Variants in KHDRBS2 observed in about 807,000 individuals in gnomAD.
KHDRBS2 encodes KH RNA binding domain containing, signal transduction associated 2, also known as KH domain-containing, RNA-binding, signal transduction-associated protein 2.
In KHDRBS2, 26 loss-of-function variants were observed where a neutral mutation model predicts 44.3. The ratio of observed to expected loss-of-function variants is 0.59; its 90% CI spans 0.43 to 0.81. KHDRBS2 has a LOEUF of 0.81. KHDRBS2 is among the 40% of genes least tolerant of loss of function. The pLI is 0.00. For synonymous variants in KHDRBS2, 194 were observed against 151.1 expected, an observed-to-expected ratio of 1.28 and a Z score of -2.08; for missense variants, 476 against 433.1, an observed-to-expected ratio of 1.10 and a Z score of -0.88.
rs564475461 is a variant in KHDRBS2 at position 61,824,531 on chromosome 6, C to T, written c.810+70104G>A. ...CCTGTCTTCATAAACTACCGAGTCT[C>T]GGGTAGTTCTTTATAGCAGTGTAAT... On this transcript the variant is annotated intron_variant, in intron 6 of 8. Coordinates refer to ENST00000281156, the MANE Select transcript of KHDRBS2 (RefSeq NM_152688.4). 7.9e-5 allele frequency among the ~76,000 whole-genome samples: 12 copies of T among 152,156 alleles called. No individual in the cohort carries two copies. In the East Asian group the frequency reaches 1.4e-3, roughly 17 times the overall value.
At chr6:61,994,866 A>G (rs1251891044) in intron 3 of KHDRBS2, among the ~76,000 whole-genome samples, 1 of 152,110 alleles carries the variant, frequency 6.6e-6, no homozygotes, top group Admixed American at 6.6e-5. Context: ...CTCACCTCCA[A>G]GGACCCCAGG....
rs1348721712 is a variant in KHDRBS2 at position 61,893,200 on chromosome 6, T to C, written c.810+1435A>G. ...AACGCAAATCAAAACCACAATGAGATACCATCTCACACCAGTTAGAATGGC... is the reference window on the plus strand; with the variant it reads ...AACGCAAATCAAAACCACAATGAGACACCATCTCACACCAGTTAGAATGGC... On this transcript the variant is annotated intron_variant, in intron 6 of 8. Coordinates refer to ENST00000281156, the MANE Select transcript of KHDRBS2 (RefSeq NM_152688.4). Among the ~76,000 whole-genome samples, 6 of 152,292 alleles carry C rather than the reference T, an allele frequency of 3.9e-5. No homozygotes were observed. The East Asian group carries it at 1.2e-3, about 29-fold the overall frequency.
chr6:61,556,086 C>T, the KHDRBS2 span, among the ~76,000 whole-genome samples: 7 of 152,280 alleles, frequency 4.6e-5, 1 homozygote, highest in South Asian at 1.0e-3. Context: ...TCCATGTGGG[C>T]ATTGGCAGTG....
intron 1 of KHDRBS2, among the ~76,000 whole-genome samples, chr6:62,225,933 A>G (rs1257833427): frequency 1.3e-5 from 2 of 152,214 alleles, no homozygotes; most frequent in Non-Finnish European, 2.9e-5. Flanking sequence ...TATTCAGTGT[A>G]TCATTGAAGG....
chr6:62,203,986 C>T (rs1278031790), intron 1 of KHDRBS2, among the ~76,000 whole-genome samples: 2 of 152,068 alleles, frequency 1.3e-5, no homozygotes, highest in Non-Finnish European at 1.5e-5. Flanking sequence ...TTAAAAAGTG[C>T]CTGCCTTCCC....
chr6:62,198,923 C>T (rs1309974606), intron 1 of KHDRBS2, among the ~76,000 whole-genome samples: 1 of 152,144 alleles, frequency 6.6e-6, no homozygotes, highest in East Asian at 1.9e-4. Flanking sequence ...GGAAGCGAGG[C>T]TGGTTCAACA....
the KHDRBS2 span, among the ~76,000 whole-genome samples, chr6:61,605,160 G>A: frequency 3.9e-5 from 6 of 152,274 alleles, no homozygotes; most frequent in South Asian, 1.0e-3. Flanking sequence ...GCCCATTTAA[G>A]TTCCTGTATG....
chr6:61,571,998 C>T, the KHDRBS2 span, among the ~76,000 whole-genome samples: 8 of 151,744 alleles, frequency 5.3e-5, no homozygotes, highest in East Asian at 1.6e-3. Flanking sequence ...ATTGAAACAA[C>T]AAAAAATACA....
chr6:62,065,182 G>A (rs1382277066), intron 2 of KHDRBS2, among the ~76,000 whole-genome samples: 1 of 151,992 alleles, frequency 6.6e-6, no homozygotes, highest in Non-Finnish European at 1.5e-5. Flanking sequence ...TACACTGTTG[G>A]TGGGACTGTA....
At chr6:61,556,161 C>T in the KHDRBS2 span, among the ~76,000 whole-genome samples, 1 of 152,168 alleles carries the variant, frequency 6.6e-6, no homozygotes, top group Non-Finnish European at 1.5e-5. Context: ...GCATTCACTC[C>T]TGCAGTGGTG....
intron 6 of KHDRBS2, among the ~76,000 whole-genome samples, chr6:61,784,853 A>C (rs181002047): frequency 6.6e-6 from 1 of 152,250 alleles, no homozygotes; most frequent in East Asian, 1.9e-4. Flanking sequence ...CAAGCTTTTA[A>C]AAATATATGC....
chr6:61,941,484 G>A (rs1403602940), intron 4 of KHDRBS2, among the ~76,000 whole-genome samples: 1 of 152,032 alleles, frequency 6.6e-6, no homozygotes, highest in Non-Finnish European at 1.5e-5. Context: ...TAACACCAGT[G>A]CCAGCATATA....
At chr6:62,276,781 C>T (rs1257988495) in intron 1 of KHDRBS2, among the ~76,000 whole-genome samples, 1 of 152,128 alleles carries the variant, frequency 6.6e-6, no homozygotes, top group Admixed American at 6.5e-5. Context: ...AATGTGCATA[C>T]TAATAGCTGA....
At chr6:62,067,875 A>G (rs1794113215) in intron 2 of KHDRBS2, among the ~76,000 whole-genome samples, 1 of 151,718 alleles carries the variant, frequency 6.6e-6, no homozygotes, top group African/African-American at 2.4e-5. Flanking sequence ...TTTTAGGTTC[A>G]TACATGTGTT....
At chr6:62,177,699 G>C (rs905511477) in intron 1 of KHDRBS2, among the ~76,000 whole-genome samples, 7 of 150,944 alleles carry the variant, frequency 4.6e-5, no homozygotes, top group Non-Finnish European at 8.9e-5. Flanking sequence ...ACATTTTAAG[G>C]ATATATGCTT....
chr6:61,935,508 T>C (rs1261830823), intron 4 of KHDRBS2, among the ~76,000 whole-genome samples: 5 of 152,150 alleles, frequency 3.3e-5, no homozygotes, highest in African/African-American at 1.2e-4. Context: ...AGAACATGCA[T>C]GAATGCTTAA....
Position 61,938,409 on chromosome 6 carries a change from G to A in KHDRBS2, c.484-37038C>T, listed in dbSNP as rs1242619698. ...TGCTATAAAGATGAGGATGAGCAAA[G>A]TATTTTGAGACAATCATGATTATAT... On this transcript the variant is annotated intron_variant, in intron 4 of 8. Coordinates refer to ENST00000281156, the MANE Select transcript of KHDRBS2 (RefSeq NM_152688.4). Among the ~76,000 whole-genome samples, 3 of 152,154 alleles carry A rather than the reference G, an allele frequency of 2.0e-5. No individual in the cohort carries two copies. The East Asian group carries it at 5.8e-4, about 29-fold the overall frequency.
chr6:61,688,678 T>C (rs1192360597), intron 8 of KHDRBS2, among the ~76,000 whole-genome samples: 22 of 151,938 alleles, frequency 1.4e-4, no homozygotes, highest in Non-Finnish European at 2.6e-4. Flanking sequence ...AAATCAGGTT[T>C]TCAGCTCTAC....
In KHDRBS2 at chr6:62,269,033, C is replaced by T. The variant is rs74294589; in HGVS notation, c.91+16825G>A. Among the ~76,000 whole-genome samples the T allele has an allele frequency of 4.9e-4, 74 of 152,102 alleles. No individual in the cohort carries two copies. The East Asian group carries it at 0.012, about 25-fold the overall frequency. On this transcript the variant is annotated intron_variant, in intron 1 of 8. Coordinates refer to ENST00000281156, the MANE Select transcript of KHDRBS2 (RefSeq NM_152688.4). ...AGAAAATTTTTTTCAGCAAATGATT[C>T]TGGAACAACTGGATATTCCAATTAA...
Sources: gnomAD v4.1 joint callset for allele counts (sites outside exome capture counted in the v4.1 genomes callset) on GRCh38, gnomAD v4.1.1 for gene constraint, MANE v1.5 for transcripts, NCBI Gene and HGNC (gene_info 2026-07-23, HGNC 2026-07-21) for gene names.